The following TDRP variants were observed in gnomAD, a reference collection of about 807,000 sequenced individuals.
TDRP encodes the protein testis development-related protein.
Under a neutral mutation model 10.5 loss-of-function variants are expected in TDRP, and 12 were observed. That is an observed-to-expected ratio of 1.15 (90% CI 0.73 to 1.86). The LOEUF (loss-of-function observed/expected upper bound fraction) is 1.86. Ranked by LOEUF, TDRP falls within the 40% of genes most tolerant of loss-of-function variation. The pLI is 0.00. For synonymous variants in TDRP, 139 were observed against 95.4 expected, an observed-to-expected ratio of 1.46 and a Z score of -2.67; for missense variants, 353 against 229.2, an observed-to-expected ratio of 1.54 and a Z score of -3.49.
intron 1 of TDRP, among the ~76,000 whole-genome samples, chr8:516,469 A>C (rs1057360235): frequency 5.3e-5 from 8 of 152,180 alleles, no homozygotes; most frequent in African/African-American, 1.9e-4. Flanking sequence ...CAGACACTTC[A>C]CCAAAGACAT....
chr8:502,923 C>T (rs73175024), intron 1 of TDRP, among the ~76,000 whole-genome samples: 1,561 of 143,184 alleles, frequency 0.011, 20 homozygotes, highest in South Asian at 0.025. Flanking sequence ...CACCTCAGCA[C>T]GTGTCAACAT....
intron 1 of TDRP, among the ~76,000 whole-genome samples, chr8:502,316 A>C (rs1236365814): frequency 2.6e-5 from 4 of 152,198 alleles, no homozygotes; most frequent in Non-Finnish European, 4.4e-5. Flanking sequence ...TCCAAGTCAA[A>C]CTGTGAGACC....
intron 1 of TDRP, among the ~76,000 whole-genome samples, chr8:534,300 C>A (rs1802286668): frequency 6.6e-6 from 1 of 152,196 alleles, no homozygotes; most frequent in Non-Finnish European, 1.5e-5. Context: ...AGTCAATTAG[C>A]AAATACTAAA....
chr8:506,665 G>A (rs1267683690), intron 1 of TDRP, among the ~76,000 whole-genome samples: 2 of 152,296 alleles, frequency 1.3e-5, no homozygotes, highest in African/African-American at 2.4e-5. Flanking sequence ...TCAGTTCCCA[G>A]AGCAGGACTG....
rs542997983 is a variant in TDRP, at chr8:493,291, G to A, written c.213-547C>T. 5.9e-5 allele frequency among the ~76,000 whole-genome samples: 9 copies of A among 152,346 alleles called. 1 individual carries two copies. The highest frequency in any genetic ancestry group is 1.9e-4 in the African/African-American group (8 of 41,590). ...AAACTACTCTTCACCCTGACTGTCC[G>A]CGAGCATCACCTGGGAACATTGTTA... On this transcript the variant is annotated intron_variant, in intron 2 of 2. Transcript: ENST00000324079.
At position 494,582 on chromosome 8, in the gene TDRP, A is replaced by G; in HGVS notation, c.124T>C (p.Phe42Leu). Reference protein sequence around the residue: ...AAQAQVQGASFRGWKEVTSLF... With the variant: ...AAQAQVQGASLRGWKEVTSLF... ...GAAGTCACTTCTTTCCAACCTCGGA[A>G]ACTTGCTCCCTGAACCTAATAAAAG... The change falls in exon 2 of 3, where the codon TTC becomes CTC. Residue 42 changes from phenylalanine (F) to leucine (L), a missense_variant. Phe to Leu is a conservative substitution (Grantham distance 22, BLOSUM62 0). Transcript: ENST00000324079. 1 of 1,613,876 alleles carries G rather than the reference A, an allele frequency of 6.2e-7. No individual in the cohort carries two copies. Among genetic ancestry groups the G allele is most frequent in the East Asian group, 2.2e-5 (1 of 44,866 alleles).
In TDRP at chr8:492,565, G is replaced by T. The variant is rs1224670988; in HGVS notation, c.392C>A (p.Pro131Gln). 2 of 1,613,290 alleles carry T rather than the reference G, an allele frequency of 1.2e-6. No homozygotes were observed. The highest frequency in any genetic ancestry group is 1.7e-6 in the Non-Finnish European group (2 of 1,179,476). ...GTCATCCTCCCAGCCTGACCAGGAT[G>T]GGTGGCCACCCACGGTGTCCTCAGG... is the stretch of plus-strand genomic sequence containing the variant. Reference protein sequence around the residue: ...ADPEDTVGGHPSWSGWEDDAK... With the variant: ...ADPEDTVGGHQSWSGWEDDAK... The change falls in exon 3 of 3, where the codon CCA becomes CAA. Residue 131 changes from proline (P) to glutamine (Q), a missense_variant. Coordinates refer to ENST00000324079, the MANE Select transcript of TDRP (RefSeq NM_001384899.1).
intron 1 of TDRP, among the ~76,000 whole-genome samples, chr8:533,968 T>C (rs1355166323): frequency 1.3e-5 from 2 of 152,202 alleles, no homozygotes; most frequent in Admixed American, 6.5e-5. Context: ...GTTTACTGTA[T>C]TGAAAATTGA....
rs1802590790 is a variant in TDRP at position 544,729 on chromosome 8, A to G, written c.29T>C (p.Leu10Pro). MWKLGRGRVLLDEPPEEEDG... is the reference protein window; with the variant it reads MWKLGRGRVPLDEPPEEEDG... ...CTCCTCCTCGGGGGGCTCGTCCAGC[A>G]GCACTCGGCCCCGGCCCAGCTTCCA... Residue 10 changes from leucine to proline, a missense_variant, in exon 1 of 3, where the codon CTG becomes CCG. Physicochemically the swap from Leu to Pro is moderately conservative, Grantham distance 98 (BLOSUM62 -3). Coordinates refer to ENST00000324079, the MANE Select transcript of TDRP (RefSeq NM_001384899.1). 1.6e-6 allele frequency: 2 copies of G among 1,242,914 alleles called. No individual in the cohort carries two copies. The highest frequency in any genetic ancestry group is 4.1e-5 in the Admixed American group (1 of 24,290). The allele number at this position is 1,242,914 out of a possible 1,614,324, so 77.0% of individuals were successfully genotyped here.
chr8:497,918 G>A (rs1255737164), intron 1 of TDRP, among the ~76,000 whole-genome samples: 1 of 152,208 alleles, frequency 6.6e-6, no homozygotes, highest in Non-Finnish European at 1.5e-5. Context: ...CAAAGCCCAA[G>A]CCTTGGTGGT....
chr8:528,340 A>G (rs1365443265), intron 1 of TDRP, among the ~76,000 whole-genome samples: 2 of 152,200 alleles, frequency 1.3e-5, no homozygotes, highest in Admixed American at 6.5e-5. Flanking sequence ...CACTATGGAG[A>G]ACAGTTTGGA....
rs182043414 is a variant in TDRP, at chr8:491,716, C to T, written c.*683G>A. The T allele has an allele frequency of 1.4e-4, 203 of 1,475,454 alleles. No individual in the cohort carries two copies. The highest frequency in any genetic ancestry group is 2.6e-4 in the Admixed American group (10 of 37,882). 91.4% of individuals were successfully genotyped at this position (1,475,454 alleles called of 1,614,324 possible). On this transcript the variant is annotated 3_prime_UTR_variant, in exon 3 of 3. Coordinates refer to ENST00000324079, the MANE Select transcript of TDRP (RefSeq NM_001384899.1). ...AAATGTTTTAAGAAAATAAAGGGAC[C>T]GATTTAGAAGTTCAAAAGAGGTAAA...
At chr8:517,628 C>T (rs1469034386) in intron 1 of TDRP, among the ~76,000 whole-genome samples, 1 of 152,126 alleles carries the variant, frequency 6.6e-6, no homozygotes. Flanking sequence ...CTTTCCAGGC[C>T]AAACCAATAT....
At chr8:540,651 A>G (rs1368937314) in intron 1 of TDRP, among the ~76,000 whole-genome samples, 3 of 152,218 alleles carry the variant, frequency 2.0e-5, no homozygotes, top group Non-Finnish European at 4.4e-5. Context: ...ATGACCAAAA[A>G]AAAGGGCCCA....
intron 1 of TDRP, among the ~76,000 whole-genome samples, chr8:505,392 G>A (rs1026929677): frequency 6.6e-6 from 1 of 152,152 alleles, no homozygotes; most frequent in Non-Finnish European, 1.5e-5. Context: ...GGTAAATATT[G>A]TTTTCCATAA....
At chr8:536,343 T>G (rs112669569) in intron 1 of TDRP, among the ~76,000 whole-genome samples, 1 of 152,206 alleles carries the variant, frequency 6.6e-6, no homozygotes, top group Non-Finnish European at 1.5e-5. Context: ...TCCAAATCAG[T>G]TGGCATTCAC....
chr8:492,576 C>T lies in TDRP; in HGVS notation c.381G>A (p.Val127=). 2.5e-6 allele frequency: 4 copies of T among 1,613,636 alleles called. No individual in the cohort carries two copies. Among genetic ancestry groups the T allele is most frequent in the Non-Finnish European group, 3.4e-6 (4 of 1,179,658 alleles). ...AGCCTGACCAGGATGGGTGGCCACCCACGGTGTCCTCAGGGTCAGCCGATA... is the reference window on the plus strand; with the variant it reads ...AGCCTGACCAGGATGGGTGGCCACCTACGGTGTCCTCAGGGTCAGCCGATA... The part of the protein sequence containing the change: ...EDISADPEDT[V]GGHPSWSGWE... Residue 127 remains valine, a synonymous_variant, in exon 3 of 3, where the codon GTG becomes GTA. Coordinates refer to ENST00000324079, the MANE Select transcript of TDRP (RefSeq NM_001384899.1).
intron 1 of TDRP, among the ~76,000 whole-genome samples, chr8:522,351 A>T (rs756947913): frequency 6.6e-6 from 1 of 152,210 alleles, no homozygotes; most frequent in South Asian, 2.1e-4. Context: ...AGAAAACCCA[A>T]TTCCCCTTGA....
At chr8:505,471 A>G (rs1584859186) in intron 1 of TDRP, among the ~76,000 whole-genome samples, 1 of 152,244 alleles carries the variant, frequency 6.6e-6, no homozygotes, top group African/African-American at 2.4e-5. Flanking sequence ...ATGAAGAAAC[A>G]TAATCCATGA....
Sources: gnomAD v4.1 joint callset for allele counts (sites outside exome capture counted in the v4.1 genomes callset) on GRCh38, gnomAD v4.1.1 for gene constraint, MANE v1.5 for transcripts, NCBI Gene and HGNC (gene_info 2026-07-23, HGNC 2026-07-21) for gene names.